RALYL: variants seen among roughly 807,000 people sequenced by gnomAD.
The protein encoded by RALYL is RALY RNA binding protein like.
Under a neutral mutation model 35.1 loss-of-function variants are expected in RALYL, and 29 were observed. That is an observed-to-expected ratio of 0.83 (90% CI 0.61 to 1.13). RALYL has a LOEUF of 1.13. Ranked by LOEUF, RALYL falls within the 50% of genes most tolerant of loss-of-function variation. The pLI is 0.00. For missense variants in RALYL, 359 were observed against 360.4 expected (o/e 1.00, Z 0.03); for synonymous variants, 120 against 127.6 (o/e 0.94, Z 0.40).
chr8:84,277,649 G>C (rs1002955941), intron 1 of RALYL, among the ~76,000 whole-genome samples: 2 of 152,164 alleles, frequency 1.3e-5, no homozygotes, highest in African/African-American at 4.8e-5. Flanking sequence ...ATTCAGTGGG[G>C]GTACAGGCAT....
chr8:84,604,517 G>C (rs1816690421), intron 2 of RALYL, among the ~76,000 whole-genome samples: 1 of 152,036 alleles, frequency 6.6e-6, no homozygotes, highest in South Asian at 2.1e-4. Flanking sequence ...CTGCCGGCAG[G>C]GTGGGCTGTA....
chr8:84,630,532 G>A (rs982789511), intron 2 of RALYL, among the ~76,000 whole-genome samples: 4 of 151,986 alleles, frequency 2.6e-5, no homozygotes, highest in East Asian at 1.9e-4. Context: ...CAGTTTCTCC[G>A]CTGCTTCCAT....
At chr8:84,440,454 G>A (rs2048212676) in intron 1 of RALYL, among the ~76,000 whole-genome samples, 1 of 152,038 alleles carries the variant, frequency 6.6e-6, no homozygotes, top group African/African-American at 2.4e-5. Flanking sequence ...TTGATTTGGA[G>A]GGATTGAATA....
intron 2 of RALYL, among the ~76,000 whole-genome samples, chr8:84,577,947 G>T (rs1235020698): frequency 2.0e-5 from 3 of 152,194 alleles, no homozygotes; most frequent in Non-Finnish European, 4.4e-5. Context: ...GAAACTTAGG[G>T]TATTGCTTTT....
intron 2 of RALYL, among the ~76,000 whole-genome samples, chr8:84,613,708 G>T (rs939344807): frequency 6.6e-6 from 1 of 151,268 alleles, no homozygotes; most frequent in African/African-American, 2.4e-5. Flanking sequence ...GGGAAAAAAA[G>T]CCTTTTGAAA....
At chr8:84,562,783 G>A (rs2061547474) in intron 2 of RALYL, among the ~76,000 whole-genome samples, 1 of 151,904 alleles carries the variant, frequency 6.6e-6, no homozygotes, top group African/African-American at 2.4e-5. Context: ...ATTTTAATAA[G>A]GTCTCTAGGC....
chr8:84,576,894 T>C (rs1258241048), intron 2 of RALYL, among the ~76,000 whole-genome samples: 1 of 152,232 alleles, frequency 6.6e-6, no homozygotes, highest in East Asian at 1.9e-4. Context: ...TCCTTTGCAC[T>C]GGTCCACAGC....
At chr8:84,300,193 T>C (rs1487749819) in intron 1 of RALYL, among the ~76,000 whole-genome samples, 1 of 152,076 alleles carries the variant, frequency 6.6e-6, no homozygotes, top group African/African-American at 2.4e-5. Context: ...TTTTATTATT[T>C]ATCAAAAAGT....
At chr8:84,478,028 AT>A (rs2053619137) in intron 1 of RALYL, among the ~76,000 whole-genome samples, 1 of 152,120 alleles carries the variant, frequency 6.6e-6, no homozygotes, top group African/African-American at 2.4e-5. Flanking sequence ...GTCAAACAGT[AT>A]TTTTATTTAT....
At chr8:84,390,220 G>A (rs1860317995) in intron 1 of RALYL, among the ~76,000 whole-genome samples, 2 of 152,102 alleles carry the variant, frequency 1.3e-5, no homozygotes, top group South Asian at 4.1e-4. Flanking sequence ...TAAGCTTTTT[G>A]ATGTGCTGCT....
At chr8:84,382,230 TAAAA>T (rs559887402) in intron 1 of RALYL, among the ~76,000 whole-genome samples, 17 of 136,466 alleles carry the variant, frequency 1.2e-4, no homozygotes, top group African/African-American at 4.5e-4. Context: ...GCATTAGAAT[TAAAA>T]AAAAAAAAAA....
intron 2 of RALYL, among the ~76,000 whole-genome samples, chr8:84,670,336 C>CA (rs1313037616): frequency 6.6e-6 from 1 of 152,100 alleles, no homozygotes; most frequent in Non-Finnish European, 1.5e-5. Context: ...ATATTGAACA[C>CA]AATACTTGTA....
At chr8:84,437,394 G>A (rs2047855292) in intron 1 of RALYL, among the ~76,000 whole-genome samples, 1 of 152,124 alleles carries the variant, frequency 6.6e-6, no homozygotes, top group South Asian at 2.1e-4. Context: ...GGATTGCTAG[G>A]TTGAATGGTA....
At chr8:84,875,366 T>C (rs1840938879) in intron 7 of RALYL, among the ~76,000 whole-genome samples, 1 of 152,156 alleles carries the variant, frequency 6.6e-6, no homozygotes, top group African/African-American at 2.4e-5. Context: ...CCTTATTCCA[T>C]CATAATATAC....
intron 2 of RALYL, among the ~76,000 whole-genome samples, chr8:84,764,720 T>C (rs1813504701): frequency 6.6e-6 from 1 of 152,164 alleles, no homozygotes; most frequent in South Asian, 2.1e-4. Flanking sequence ...TGAAACTAGG[T>C]CCAAAGGCTC....
chr8:84,419,590 C>A (rs989849347), intron 1 of RALYL, among the ~76,000 whole-genome samples: 2 of 151,154 alleles, frequency 1.3e-5, no homozygotes, highest in African/African-American at 4.9e-5. Flanking sequence ...TACATGTGCA[C>A]ATTGTGCAGG....
intron 1 of RALYL, among the ~76,000 whole-genome samples, chr8:84,366,637 T>C (rs1404451562): frequency 6.6e-6 from 1 of 151,464 alleles, no homozygotes; most frequent in African/African-American, 2.4e-5. Flanking sequence ...TAGTTGGATG[T>C]GGTGGCTTGT....
intron 1 of RALYL, among the ~76,000 whole-genome samples, chr8:84,260,761 G>A (rs535671334): frequency 6.6e-6 from 1 of 152,252 alleles, no homozygotes; most frequent in East Asian, 1.9e-4. Context: ...TTCTGGAATA[G>A]CATTGCTAAT....
intron 1 of RALYL, among the ~76,000 whole-genome samples, chr8:84,343,707 G>T (rs1849290155): frequency 6.6e-6 from 1 of 151,616 alleles, no homozygotes; most frequent in African/African-American, 2.4e-5. Flanking sequence ...ATGGCTCACT[G>T]CAACCTCAAC....
Sources: allele counts gnomAD v4.1 joint callset (sites outside exome capture counted in the v4.1 genomes callset), GRCh38; gene constraint gnomAD v4.1.1; transcripts MANE v1.5; gene names NCBI Gene and HGNC (gene_info 2026-07-23, HGNC 2026-07-21).